Variants in KLHL25 observed in about 807,000 individuals in gnomAD.
KLHL25 encodes kelch-like protein 25.
Under a neutral mutation model 30.0 loss-of-function variants are expected in KLHL25, and 41 were observed. The observed-to-expected ratio is 1.37, with a 90% CI of 1.07 to 1.78. KLHL25 has a LOEUF of 1.78. KLHL25 is among the 40% of genes most tolerant of loss of function. The pLI is 0.00. For missense variants in KLHL25, 971 were observed against 824.5 expected (o/e 1.18, Z -2.18); for synonymous variants, 399 against 355.3 (o/e 1.12, Z -1.38).
In KLHL25 at chr15:85,769,767, G is replaced by A. The variant is rs149329403; in HGVS notation, c.44C>T (p.Thr15Met). ...GAAGAGGGTGACGTTCATGGACCCC[G>A]TGCTGCTCCGCGACTTGCGGGTCTC... ...VHETRKSRSS[T>M]GSMNVTLFHK... Residue 15 changes from threonine (T) to methionine (M), a missense_variant, in exon 2 of 3, where the codon ACG (threonine) becomes ATG (methionine). Physicochemically the swap from Thr to Met is moderately conservative, Grantham distance 81. Transcript: ENST00000337975. 8.2e-5 allele frequency: 133 copies of A among 1,612,916 alleles called. No homozygotes were observed. Among genetic ancestry groups the A allele is most frequent in the Non-Finnish European group, 1.1e-4 (126 of 1,179,912 alleles).
intron 1 of KLHL25, chr15:85,770,615 AC>A: frequency 1.9e-6 from 1 of 518,708 alleles, no homozygotes; most frequent in South Asian, 1.4e-5. Flanking sequence ...CCAGTGACTC[AC>A]CCTCGAGACC....
In KLHL25 at chr15:85,768,603, A is replaced by G. The variant is rs1409603491; in HGVS notation, c.1208T>C (p.Phe403Ser). 6.2e-7 allele frequency: 1 copy of G among 1,610,724 alleles called. No homozygotes were observed. Residue 403 changes from phenylalanine (F) to serine (S), a missense_variant, in exon 2 of 3, where the codon TTC (phenylalanine) becomes TCC (serine). By Grantham distance (155) the Phe-to-Ser change is radical. Transcript: ENST00000337975. Reference protein sequence around the residue: ...VGGHTSLAGVFPASPSVSLKQ... With the variant: ...VGGHTSLAGVSPASPSVSLKQ... ...CAGGGAGACAGAAGGCGAGGCCGGGAAGACCCCTGCCAGGGATGTGTGTCC... is the reference window on the plus strand; with the variant it reads ...CAGGGAGACAGAAGGCGAGGCCGGGGAGACCCCTGCCAGGGATGTGTGTCC...
At chr15:85,782,502 C>G (rs780721811) in intron 1 of KLHL25, among the ~76,000 whole-genome samples, 2 of 151,446 alleles carry the variant, frequency 1.3e-5, no homozygotes, top group Non-Finnish European at 2.9e-5. Context: ...TCCTCCCTCT[C>G]TCGGCTTTAG....
intron 2 of KLHL25, chr15:85,762,889 C>G (rs2089592827): frequency 6.6e-6 from 1 of 152,380 alleles, no homozygotes; most frequent in Non-Finnish European, 1.5e-5. Flanking sequence ...ACGGAGCCCA[C>G]AGTGGATTAA....
intron 1 of KLHL25, among the ~76,000 whole-genome samples, chr15:85,785,695 T>C (rs1259722042): frequency 2.0e-5 from 3 of 152,104 alleles, no homozygotes; most frequent in African/African-American, 2.4e-5. Flanking sequence ...CAAAGGACCA[T>C]GTGCAGTGGC....
At chr15:85,773,128 T>C (rs1481077806) in intron 1 of KLHL25, among the ~76,000 whole-genome samples, 1 of 152,214 alleles carries the variant, frequency 6.6e-6, no homozygotes, top group African/African-American at 2.4e-5. Context: ...GTGTACTGTC[T>C]CCCAAACTGC....
intron 2 of KLHL25, chr15:85,763,413 ACCATTC>A (rs2089597097): frequency 6.6e-6 from 1 of 152,104 alleles, no homozygotes. Context: ...GCCCTGACTC[ACCATTC>A]ATGTGATGCC....
intron 1 of KLHL25, among the ~76,000 whole-genome samples, chr15:85,791,919 C>T (rs2089820054): frequency 6.6e-6 from 1 of 152,220 alleles, no homozygotes; most frequent in Non-Finnish European, 1.5e-5. Context: ...CTTTCCACTG[C>T]TCCTGGGTTA....
intron 1 of KLHL25, among the ~76,000 whole-genome samples, chr15:85,777,110 AT>A (rs2089714598): frequency 1.3e-5 from 2 of 152,152 alleles, no homozygotes; most frequent in South Asian, 4.1e-4. Flanking sequence ...CTGCACAGGA[AT>A]GGGCTGCCCA....
rs746345874 is a variant in KLHL25 at position 85,769,338 on chromosome 15, G to C, written c.473C>G (p.Ala158Gly). 1 of 1,614,120 alleles carries C rather than the reference G, an allele frequency of 6.2e-7. No homozygotes were observed. The highest frequency in any genetic ancestry group is 2.2e-5 in the East Asian group (1 of 44,874). The change falls in exon 2 of 3, where the codon GCC (alanine) becomes GGC (glycine). Residue 158 changes from alanine to glycine, a missense_variant. Ala to Gly is a moderately conservative substitution (Grantham distance 60). Transcript: ENST00000337975. ...NCLGMMLLSDAHQCRRLYEFS... is the reference protein window; with the variant it reads ...NCLGMMLLSDGHQCRRLYEFS... ...CTCATACAGCCGGCGGCACTGGTGGGCGTCCGAGAGCAGCATCATGCCCAG... is the reference window on the plus strand; with the variant it reads ...CTCATACAGCCGGCGGCACTGGTGGCCGTCCGAGAGCAGCATCATGCCCAG...
chr15:85,770,232 C>G (rs1240740246), intron 1 of KLHL25, among the ~76,000 whole-genome samples: 1 of 152,244 alleles, frequency 6.6e-6, no homozygotes, highest in African/African-American at 2.4e-5. Flanking sequence ...TCTACAGAAG[C>G]TTCTCTTGTA....
In KLHL25 at chr15:85,788,552, G is replaced by A. The variant is rs185561693; in HGVS notation, c.-11+6214C>T. 2.6e-3 allele frequency among the ~76,000 whole-genome samples: 398 copies of A among 152,194 alleles called. 4 individuals are homozygous for A. Among genetic ancestry groups the A allele is most frequent in the African/African-American group, 8.3e-3 (345 of 41,518 alleles). On this transcript the variant is annotated intron_variant, in intron 1 of 2. Transcript: ENST00000337975. ...AATTCCCTGGACACATTTGAAATGA[G>A]GAAACCAACAGTCCACTTCCTCACC...
At chr15:85,774,737 G>C (rs989717940) in intron 1 of KLHL25, among the ~76,000 whole-genome samples, 1 of 152,104 alleles carries the variant, frequency 6.6e-6, no homozygotes, top group African/African-American at 2.4e-5. Flanking sequence ...AAACGAGAGA[G>C]GCACAGCGCT....
At position 85,768,796 on chromosome 15, in the gene KLHL25, C is replaced by A; in HGVS notation, c.1015G>T (p.Gly339Cys). 1 of 1,613,292 alleles carries A rather than the reference C, an allele frequency of 6.2e-7. No homozygotes were observed. Among genetic ancestry groups the A allele is most frequent in the South Asian group, 1.1e-5 (1 of 91,080 alleles). ...PRKEFSASAIGCKVYVTGGRG... is the reference protein window; with the variant it reads ...PRKEFSASAICCKVYVTGGRG... ...CCCCCCGTCACATAGACCTTGCAGC[C>A]GATCGCTGAGGCGCTGAACTCCTTC... The change falls in exon 2 of 3, where the codon GGC (glycine) becomes TGC (cysteine). Residue 339 changes from glycine to cysteine, a missense_variant. Transcript: ENST00000337975.
intron 1 of KLHL25, among the ~76,000 whole-genome samples, chr15:85,773,716 C>T (rs1271728406): frequency 1.3e-5 from 2 of 152,194 alleles, no homozygotes; most frequent in African/African-American, 4.8e-5. Flanking sequence ...ACGAAGCAGG[C>T]CCTTTCCCTA....
chr15:85,790,697 G>A (rs373371398), intron 1 of KLHL25, among the ~76,000 whole-genome samples: 19 of 152,206 alleles, frequency 1.2e-4, no homozygotes, highest in African/African-American at 4.6e-4. Context: ...GCTATGGGAT[G>A]GTGAAGAGAC....
At chr15:85,772,301 G>A (rs1472579860) in intron 1 of KLHL25, among the ~76,000 whole-genome samples, 1 of 152,152 alleles carries the variant, frequency 6.6e-6, no homozygotes, top group Non-Finnish European at 1.5e-5. Context: ...GCTGAGGTTT[G>A]GCTTCAGTTC....
chr15:85,775,900 G>C (rs1433929014), intron 1 of KLHL25, among the ~76,000 whole-genome samples: 5 of 150,042 alleles, frequency 3.3e-5, no homozygotes, highest in Non-Finnish European at 1.5e-5. Context: ...GCGGCCAGGC[G>C]TGGTGGCTCA....
Position 85,769,135 on chromosome 15 carries a change from T to C in KLHL25, c.676A>G (p.Lys226Glu). The C allele has an allele frequency of 6.2e-7, 1 of 1,609,196 alleles. No individual in the cohort carries two copies. Among genetic ancestry groups the C allele is most frequent in the Non-Finnish European group, 8.5e-7 (1 of 1,176,610 alleles). The stretch of plus-strand genomic sequence containing the variant: ...CGGAGGAGCTCGGGCAAGTGGACCT[T>C]CCGTGGCTCCAGGTCGTGCTTCACC... The part of the protein sequence containing the change: ...QWVKHDLEPR[K>E]VHLPELLRSV... The change falls in exon 2 of 3, where the codon AAG becomes GAG. Residue 226 changes from lysine (K) to glutamate (E), a missense_variant. Physicochemically the swap from Lys to Glu is moderately conservative, Grantham distance 56. Coordinates refer to ENST00000337975, the MANE Select transcript of KLHL25 (RefSeq NM_022480.4).
Sources: gnomAD v4.1 joint callset for allele counts (sites outside exome capture counted in the v4.1 genomes callset) on GRCh38, gnomAD v4.1.1 for gene constraint, MANE v1.5 for transcripts, NCBI Gene and HGNC (gene_info 2026-07-23, HGNC 2026-07-21) for gene names.